Variants in DNAJC15 observed in about 807,000 individuals in gnomAD.
DNAJC15 encodes the protein DnaJ heat shock protein family (Hsp40) member C15, also known as dnaJ homolog subfamily C member 15.
A neutral mutation model predicts 22.4 loss-of-function variants in DNAJC15; 27 were observed. That is an observed-to-expected ratio of 1.20 (90% CI 0.89 to 1.66). The LOEUF (loss-of-function observed/expected upper bound fraction) is 1.66, where lower values mean the gene tolerates loss of function less well. Ranked by LOEUF, DNAJC15 falls within the 40% of genes most tolerant of loss-of-function variation. DNAJC15 has a pLI of 0.00. For synonymous variants in DNAJC15, 79 were observed against 63.2 expected, an observed-to-expected ratio of 1.25 and a Z score of -1.19; for missense variants, 208 against 187.1, an observed-to-expected ratio of 1.11 and a Z score of -0.65.
intron 4 of DNAJC15, among the ~76,000 whole-genome samples, chr13:43,082,859 T>C (rs74060758): frequency 5.3e-4 from 78 of 146,918 alleles, no homozygotes; most frequent in East Asian, 3.6e-3. Flanking sequence ...TATATATATA[T>C]ACACACATAT....
intron 1 of DNAJC15, among the ~76,000 whole-genome samples, chr13:43,040,211 T>C (rs2040446995): frequency 6.6e-6 from 1 of 152,174 alleles, no homozygotes; most frequent in Non-Finnish European, 1.5e-5. Flanking sequence ...TTACTAGACT[T>C]GACATGTGCC....
chr13:43,080,460 T>C (rs2153441408), intron 4 of DNAJC15, among the ~76,000 whole-genome samples: 2 of 152,360 alleles, frequency 1.3e-5, no homozygotes, highest in Middle Eastern at 3.4e-3. Context: ...TGTCTACCAC[T>C]GATGGGCATT....
chr13:43,106,828 T>C (rs1371758806), intron 5 of DNAJC15, among the ~76,000 whole-genome samples: 1 of 151,710 alleles, frequency 6.6e-6, no homozygotes, highest in Non-Finnish European at 1.5e-5. Flanking sequence ...TGGAAAAGAC[T>C]GTTATTTTAC....
At chr13:43,100,430 C>G (rs971882715) in intron 5 of DNAJC15, among the ~76,000 whole-genome samples, 31 of 151,888 alleles carry the variant, frequency 2.0e-4, no homozygotes, top group Admixed American at 1.6e-3. Context: ...CTGGTGGTCT[C>G]AAATTCCTGA....
chr13:43,066,744 T>A (rs546042912), intron 2 of DNAJC15, among the ~76,000 whole-genome samples: 1 of 152,116 alleles, frequency 6.6e-6, no homozygotes, highest in African/African-American at 2.4e-5. Flanking sequence ...TGCCTCAGCC[T>A]CCCGAGTAGC....
Position 43,107,248 on chromosome 13 carries a change from A to G in DNAJC15, c.453A>G (p.Ter151TrpextTer30). The G allele has an allele frequency of 6.3e-7, 1 of 1,584,956 alleles. No homozygotes were observed. The highest frequency in any genetic ancestry group is 8.6e-7 in the Non-Finnish European group (1 of 1,167,858). ...TGCTAGAAACAACCACCAAACATTG[A>G]TGCTTAAGGACCACACTGAAGGAAA... ...KDLLETTTKH[*>W] is the part of the protein sequence containing the mutation. Residue 151 changes from the stop codon to tryptophan, a stop_lost, in exon 6 of 6, where the codon TGA becomes TGG. Coordinates refer to ENST00000379221, the MANE Select transcript of DNAJC15 (RefSeq NM_013238.3).
At chr13:43,059,627 C>A (rs2040548405) in intron 1 of DNAJC15, among the ~76,000 whole-genome samples, 1 of 152,206 alleles carries the variant, frequency 6.6e-6, no homozygotes, top group Admixed American at 6.5e-5. Context: ...TTCAGGAAAA[C>A]CCACGGAATC....
intron 1 of DNAJC15, among the ~76,000 whole-genome samples, chr13:43,024,337 G>GTTT (rs376910976): frequency 0.18 from 16,573 of 92,830 alleles, 2,433 homozygotes; most frequent in South Asian, 0.26. Context: ...GTATTTTTAC[G>GTTT]TTTTTTTTTT....
chr13:43,093,743 C>T (rs2040726222), intron 5 of DNAJC15, among the ~76,000 whole-genome samples: 2 of 152,008 alleles, frequency 1.3e-5, no homozygotes, highest in Admixed American at 6.6e-5. Context: ...ATATATTTAC[C>T]TATTAATTCA....
intron 5 of DNAJC15, among the ~76,000 whole-genome samples, chr13:43,100,161 CTTCTT>C (rs761243054): frequency 1.9e-4 from 28 of 143,826 alleles, no homozygotes; most frequent in Admixed American, 2.8e-4. Context: ...AGTTGTTTCT[CTTCTT>C]TTTCCATTGT....
chr13:43,032,215 A>T (rs1402980729), intron 1 of DNAJC15, among the ~76,000 whole-genome samples: 1 of 151,970 alleles, frequency 6.6e-6, no homozygotes, highest in Non-Finnish European at 1.5e-5. Context: ...CATTGGTCTG[A>T]CTCTACTGGG....
intron 3 of DNAJC15, among the ~76,000 whole-genome samples, chr13:43,074,924 C>A (rs563037555): frequency 2.6e-5 from 4 of 152,090 alleles, no homozygotes; most frequent in Non-Finnish European, 4.4e-5. Flanking sequence ...ATGTAGTATT[C>A]ATGGGATGCA....
chr13:43,068,480 T>G (rs2040593401), intron 2 of DNAJC15, among the ~76,000 whole-genome samples: 1 of 152,120 alleles, frequency 6.6e-6, no homozygotes, highest in Non-Finnish European at 1.5e-5. Context: ...CTGTGTAGTA[T>G]AGATCATAAA....
At chr13:43,091,122 T>A (rs190203266) in intron 5 of DNAJC15, among the ~76,000 whole-genome samples, 47 of 152,230 alleles carry the variant, frequency 3.1e-4, no homozygotes, top group African/African-American at 1.1e-3. Context: ...TCTCACTCTG[T>A]CACCTAGGCT....
chr13:43,065,771 G>A (rs777700874), intron 2 of DNAJC15, 34 bp downstream of exon 2: 39 of 1,602,736 alleles, frequency 2.4e-5, no homozygotes, highest in Non-Finnish European at 1.6e-5. Context: ...TAAATTGCAG[G>A]AGAAATCTTT....
rs892198688 is a variant in DNAJC15, at chr13:43,032,370, A to G, written c.108+8636A>G. ...ATTTGAATTCCACTGATAATAAGAAATTTGAAAGCACAGTCTCCTAAAAGC... is the reference window on the plus strand; with the variant it reads ...ATTTGAATTCCACTGATAATAAGAAGTTTGAAAGCACAGTCTCCTAAAAGC... On this transcript the variant is annotated intron_variant, in intron 1 of 5. Coordinates refer to ENST00000379221, the MANE Select transcript of DNAJC15 (RefSeq NM_013238.3). Among the ~76,000 whole-genome samples, 9 of 152,370 alleles carry G rather than the reference A, an allele frequency of 5.9e-5. No individual in the cohort carries two copies. In the South Asian group the frequency reaches 1.2e-3, roughly 21 times the overall value.
intron 5 of DNAJC15, among the ~76,000 whole-genome samples, chr13:43,099,068 T>C (rs73190325): frequency 0.23 from 34,786 of 152,078 alleles, 4,542 homozygotes; most frequent in Non-Finnish European, 0.31. Context: ...CCTTAATTTC[T>C]TTCAACAGTG....
intron 5 of DNAJC15, among the ~76,000 whole-genome samples, chr13:43,102,146 C>G (rs1027777471): frequency 7.2e-5 from 11 of 151,980 alleles, no homozygotes; most frequent in African/African-American, 2.4e-4. Context: ...GATGGTATGG[C>G]ATTCTGGTTT....
intron 1 of DNAJC15, among the ~76,000 whole-genome samples, chr13:43,033,844 C>T (rs1402510381): frequency 6.6e-6 from 1 of 151,944 alleles, no homozygotes; most frequent in Admixed American, 6.6e-5. Flanking sequence ...GCCTGGTCAA[C>T]ATGGCAAAAC....
Sources: allele counts gnomAD v4.1 joint callset (sites outside exome capture counted in the v4.1 genomes callset), GRCh38; gene constraint gnomAD v4.1.1; transcripts MANE v1.5; gene names NCBI Gene and HGNC (gene_info 2026-07-23, HGNC 2026-07-21).